The following FAM110C variants were observed in gnomAD, a reference collection of about 807,000 sequenced individuals.
FAM110C encodes protein FAM110C.
In FAM110C, 19 loss-of-function variants were observed where a neutral mutation model predicts 15.7. The ratio of observed to expected loss-of-function variants is 1.21; its 90% CI spans 0.85 to 1.78. The LOEUF (loss-of-function observed/expected upper bound fraction) is 1.78. Among genes scored for constraint, FAM110C ranks in the 40% most tolerant of loss-of-function variants. The pLI is 0.00. For synonymous variants in FAM110C, 275 were observed against 233.9 expected, an observed-to-expected ratio of 1.18 and a Z score of -1.61; for missense variants, 547 against 495.7, an observed-to-expected ratio of 1.10 and a Z score of -0.98.
At position 40,321 on chromosome 2, in the gene FAM110C, C is replaced by A. The variant is rs1442040230; in HGVS notation, c.*1287G>T. The A allele has an allele frequency of 6.6e-6, 1 of 152,154 alleles. No homozygotes were observed. The highest frequency in any genetic ancestry group is 1.5e-5 in the Non-Finnish European group (1 of 68,030). The allele number at this position is 152,154 out of a possible 1,614,324, so 9.4% of individuals were successfully genotyped here. A position where few individuals can be genotyped will look rare whatever the true frequency, so the allele number is the denominator to read the frequency against. On this transcript the variant is annotated 3_prime_UTR_variant, in exon 2 of 2. Coordinates refer to ENST00000327669, the MANE Select transcript of FAM110C (RefSeq NM_001077710.3). ...AATATTAACCAAAACTTGAATAATT[C>A]AAAATGAAATGGTTAACAAAATATC... is the stretch of plus-strand genomic sequence containing the variant.
Position 41,444 on chromosome 2 carries a change from G to C in FAM110C, c.*164C>G, listed in dbSNP as rs1045020839. The stretch of plus-strand genomic sequence containing the variant: ...ACAACTCAGCTAAATTTCAAGGTCT[G>C]TGTTCCCATATTCTCTGTAGTATTT... On this transcript the variant is annotated 3_prime_UTR_variant, in exon 2 of 2. Transcript: ENST00000327669. 1 of 669,198 alleles carries C rather than the reference G, an allele frequency of 1.5e-6. No individual in the cohort carries two copies. Among genetic ancestry groups the C allele is most frequent in the African/African-American group, 1.9e-5 (1 of 54,004 alleles). 41.5% of individuals were successfully genotyped at this position (669,198 alleles called of 1,614,324 possible).
chr2:43,552 G>A (rs1463520678), intron 1 of FAM110C: 1 of 985,350 alleles, frequency 1.0e-6, no homozygotes, highest in Non-Finnish European at 1.2e-6. Context: ...AAGCCTAAAA[G>A]GTCTTTAGGA....
chr2:46,489 G>A lies in FAM110C; in HGVS notation c.-104C>T. 1.1e-6 allele frequency: 1 copy of A among 912,304 alleles called. No homozygotes were observed. Among genetic ancestry groups the A allele is most frequent in the Non-Finnish European group, 1.4e-6 (1 of 693,118 alleles). The allele number at this position is 912,304 out of a possible 1,614,324, so 56.5% of individuals were successfully genotyped here. A position where few individuals can be genotyped will look rare whatever the true frequency, so the allele number is the denominator to read the frequency against. The stretch of plus-strand genomic sequence containing the variant: ...CCGGTTCCGAAGTCCGCGCCGGGTG[G>A]GGAACGGCGCCCCAGTGCCCAGCTG... On this transcript the variant is annotated 5_prime_UTR_variant, in exon 1 of 2. Coordinates refer to ENST00000327669, the MANE Select transcript of FAM110C (RefSeq NM_001077710.3).
chr2:43,047 G>A (rs1664169582), intron 1 of FAM110C: 1 of 985,520 alleles, frequency 1.0e-6, no homozygotes, highest in Non-Finnish European at 1.2e-6. Context: ...GTGCTGGGAG[G>A]TGGGGAGCTG....
chr2:46,001 C>G lies in FAM110C; in HGVS notation c.385G>C (p.Gly129Arg), dbSNP rs1295621656. 6.8e-7 allele frequency: 1 copy of G among 1,471,846 alleles called. No individual in the cohort carries two copies. The highest frequency in any genetic ancestry group is 8.9e-7 in the Non-Finnish European group (1 of 1,117,762). 91.2% of individuals were successfully genotyped at this position (1,471,846 alleles called of 1,614,324 possible). The change falls in exon 1 of 2, where the codon GGG (glycine) becomes CGG (arginine). Residue 129 changes from glycine to arginine, a missense_variant. Transcript: ENST00000327669. Reference sequence around the variant, plus strand: ...ACCGGCGCCTTGTCCTTACCCGGCCCCTGGAAGAGCTTCTTCACCAGGCTT... The same window carrying G: ...ACCGGCGCCTTGTCCTTACCCGGCCGCTGGAAGAGCTTCTTCACCAGGCTT... ...RASLVKKLFQ[G>R]PGKDKAPVPR...
At position 39,797 on chromosome 2, in the gene FAM110C, C is replaced by A. The variant is rs541786848; in HGVS notation, c.*1811G>T. On this transcript the variant is annotated 3_prime_UTR_variant, in exon 2 of 2. Coordinates refer to ENST00000327669, the MANE Select transcript of FAM110C (RefSeq NM_001077710.3). ...AAGGCATACACACTTTTACTTAAAG[C>A]TTTCATATCTAAAATTGATGGGACA... is the stretch of plus-strand genomic sequence containing the variant. 2 of 152,324 alleles carry A rather than the reference C, an allele frequency of 1.3e-5. No individual in the cohort carries two copies. The highest frequency in any genetic ancestry group is 4.1e-4 in the South Asian group (2 of 4,832). The allele number at this position is 152,324 out of a possible 1,614,324, so 9.4% of individuals were successfully genotyped here.
In FAM110C at chr2:45,978, C is replaced by T. The variant is rs1192699803; in HGVS notation, c.408G>A (p.Pro136=). The T allele has an allele frequency of 2.4e-5, 35 of 1,458,774 alleles. No homozygotes were observed. Among genetic ancestry groups the T allele is most frequent in the Non-Finnish European group, 2.8e-5 (31 of 1,110,960 alleles). The allele number at this position is 1,458,774 out of a possible 1,614,324, so 90.4% of individuals were successfully genotyped here. A position where few individuals can be genotyped will look rare whatever the true frequency, so the allele number is the denominator to read the frequency against. ...TGCCCTCGTCTCCCGTCCGGGGCAC[C>T]GGCGCCTTGTCCTTACCCGGCCCCT... ...LFQGPGKDKA[P]VPRTGDEGKA... The change falls in exon 1 of 2, where the codon CCG becomes CCA. Residue 136 remains proline (P), a synonymous_variant. Transcript: ENST00000327669.
Position 45,991 on chromosome 2 carries a change from T to C in FAM110C, c.395A>G (p.Lys132Arg). Residue 132 changes from lysine to arginine, a missense_variant, in exon 1 of 2, where the codon AAG becomes AGG. Transcript: ENST00000327669. ...CGTCCGGGGCACCGGCGCCTTGTCC[T>C]TACCCGGCCCCTGGAAGAGCTTCTT... ...LVKKLFQGPGKDKAPVPRTGD... is the reference protein window; with the variant it reads ...LVKKLFQGPGRDKAPVPRTGD... 1 of 1,466,092 alleles carries C rather than the reference T, an allele frequency of 6.8e-7. No homozygotes were observed. The highest frequency in any genetic ancestry group is 9.0e-7 in the Non-Finnish European group (1 of 1,114,574). The allele number at this position is 1,466,092 out of a possible 1,614,324, so 90.8% of individuals were successfully genotyped here.
rs536794257 is a variant in FAM110C, at chr2:40,269, G to C, written c.*1339C>G. On this transcript the variant is annotated 3_prime_UTR_variant, in exon 2 of 2. Transcript: ENST00000327669. ...AAGTAACCCAATGACCTACTCTCAC[G>C]GTAAAATAGTTACGAAAAAAGAATA... is the stretch of plus-strand genomic sequence containing the variant. 1 of 151,954 alleles carries C rather than the reference G, an allele frequency of 6.6e-6. No homozygotes were observed. The highest frequency in any genetic ancestry group is 1.5e-5 in the Non-Finnish European group (1 of 68,008). The allele number at this position is 151,954 out of a possible 1,614,324, so 9.4% of individuals were successfully genotyped here.
At chr2:43,977 A>G in intron 1 of FAM110C, 1 of 985,352 alleles carries the variant, frequency 1.0e-6, no homozygotes, top group Non-Finnish European at 1.2e-6. Flanking sequence ...TGCAGGAATC[A>G]TTTGCTAACA....
rs1664299478 is a variant in FAM110C at position 46,203 on chromosome 2, C to T, written c.183G>A (p.Glu61=). 3 of 1,376,856 alleles carry T rather than the reference C, an allele frequency of 2.2e-6. No homozygotes were observed. The highest frequency in any genetic ancestry group is 2.8e-6 in the Non-Finnish European group (3 of 1,072,094). The allele number at this position is 1,376,856 out of a possible 1,614,324, so 85.3% of individuals were successfully genotyped here. ...RPGTGRGVAS[E]GSGPGAIKCP... is the part of the protein sequence containing the mutation. ...ACTTGATCGCCCCCGGGCCGCTGCC[C>T]TCGGAAGCGACGCCCCGGCCAGTCC... Residue 61 remains glutamate, a synonymous_variant, in exon 1 of 2, where the codon GAG becomes GAA. Transcript: ENST00000327669.
At position 46,139 on chromosome 2, in the gene FAM110C, C is replaced by A; in HGVS notation, c.247G>T (p.Ala83Ser). Residue 83 changes from alanine (A) to serine (S), a missense_variant, in exon 1 of 2, where the codon GCC becomes TCC. By Grantham distance (99) the Ala-to-Ser change is moderately conservative. Coordinates refer to ENST00000327669, the MANE Select transcript of FAM110C (RefSeq NM_001077710.3). The part of the protein sequence containing the change: ...NDPGPPARAP[A>S]PVARRAIARK... The stretch of plus-strand genomic sequence containing the variant: ...GCAATAGCCCTGCGCGCCACCGGGG[C>A]CGGGGCGCGGGCCGGGGGCCCAGGG... 1 of 1,438,590 alleles carries A rather than the reference C, an allele frequency of 7.0e-7. No homozygotes were observed. Among genetic ancestry groups the A allele is most frequent in the Non-Finnish European group, 9.1e-7 (1 of 1,102,654 alleles). 89.1% of individuals were successfully genotyped at this position (1,438,590 alleles called of 1,614,324 possible). A position where few individuals can be genotyped will look rare whatever the true frequency, so the allele number is the denominator to read the frequency against.
rs1383209722 is a variant in FAM110C, at chr2:44,382, G to A, written c.946+1058C>T. The A allele has an allele frequency of 3.0e-6, 3 of 985,252 alleles. No homozygotes were observed. The African/African-American group carries it at 5.2e-5, about 17-fold the overall frequency. 61.0% of individuals were successfully genotyped at this position (985,252 alleles called of 1,614,324 possible). A position where few individuals can be genotyped will look rare whatever the true frequency, so the allele number is the denominator to read the frequency against. ...ATTTTTAGCTGTCAAACATAGGTGA[G>A]CCCTGTGCAAACATCTCTTGGGCAG... On this transcript the variant is annotated intron_variant, in intron 1 of 1. Coordinates refer to ENST00000327669, the MANE Select transcript of FAM110C (RefSeq NM_001077710.3).
In FAM110C at chr2:45,766, C is replaced by T. The variant is rs1378508840; in HGVS notation, c.620G>A (p.Arg207His). ...LQRSQSDLSSRYSAALAESDT... is the reference protein window; with the variant it reads ...LQRSQSDLSSHYSAALAESDT... ...AGACTCGGCCAAGGCAGCGGAATAGCGGGAGCTGAGGTCCGACTGTGAGCG... is the reference window on the plus strand; with the variant it reads ...AGACTCGGCCAAGGCAGCGGAATAGTGGGAGCTGAGGTCCGACTGTGAGCG... Residue 207 changes from arginine to histidine, a missense_variant, in exon 1 of 2, where the codon CGC becomes CAC. By Grantham distance (29) the Arg-to-His change is conservative. Transcript: ENST00000327669. 1.3e-6 allele frequency: 2 copies of T among 1,579,272 alleles called. No homozygotes were observed. Among genetic ancestry groups the T allele is most frequent in the East Asian group, 2.3e-5 (1 of 43,304 alleles).
In FAM110C at chr2:43,969, C is replaced by T. The variant is rs921371129; in HGVS notation, c.946+1471G>A. 8.1e-6 allele frequency: 8 copies of T among 985,272 alleles called. No homozygotes were observed. The African/African-American group carries it at 1.4e-4, about 17-fold the overall frequency. The allele number at this position is 985,272 out of a possible 1,614,324, so 61.0% of individuals were successfully genotyped here. On this transcript the variant is annotated intron_variant, in intron 1 of 1. Coordinates refer to ENST00000327669, the MANE Select transcript of FAM110C (RefSeq NM_001077710.3). ...GACAAAGGACGCCTGGTCTATAGTG[C>T]AGGAATCATTTGCTAACATAAGACA... is the stretch of plus-strand genomic sequence containing the variant.
At position 46,198 on chromosome 2, in the gene FAM110C, C is replaced by CCAG. The variant is rs777612092; in HGVS notation, c.187_188insCTG (p.Ser63delinsThrGly). The CCAG allele has an allele frequency of 7.3e-6, 10 of 1,379,068 alleles. No homozygotes were observed. The highest frequency in any genetic ancestry group is 8.4e-6 in the Non-Finnish European group (9 of 1,073,604). The allele number at this position is 1,379,068 out of a possible 1,614,324, so 85.4% of individuals were successfully genotyped here. A position where few individuals can be genotyped will look rare whatever the true frequency, so the allele number is the denominator to read the frequency against. ...CGGGCACTTGATCGCCCCCGGGCCG[C>CCAG]TGCCCTCGGAAGCGACGCCCCGGCC... On this transcript the variant is annotated protein_altering_variant, in exon 1 of 2. Transcript: ENST00000327669.
rs1266405479 is a variant in FAM110C, at chr2:40,396, G to A, written c.*1212C>T. 1.3e-5 allele frequency: 2 copies of A among 152,012 alleles called. No individual in the cohort carries two copies. The highest frequency in any genetic ancestry group is 2.9e-5 in the Non-Finnish European group (2 of 68,016). The allele number at this position is 152,012 out of a possible 1,614,324, so 9.4% of individuals were successfully genotyped here. ...TCCCCTCCACATTCTTCTCTCTAACGATTTTCTTCTTGAAAAGATATATTT... is the reference window on the plus strand; with the variant it reads ...TCCCCTCCACATTCTTCTCTCTAACAATTTTCTTCTTGAAAAGATATATTT... On this transcript the variant is annotated 3_prime_UTR_variant, in exon 2 of 2. Coordinates refer to ENST00000327669, the MANE Select transcript of FAM110C (RefSeq NM_001077710.3).
intron 1 of FAM110C, chr2:44,969 G>A (rs756694692): frequency 1.0e-6 from 1 of 985,146 alleles, no homozygotes; most frequent in Non-Finnish European, 1.2e-6. Context: ...ACACAGCAGC[G>A]CCTACCTAGG....
chr2:43,290 G>C (rs1450954977), intron 1 of FAM110C: 73 of 985,164 alleles, frequency 7.4e-5, no homozygotes, highest in Non-Finnish European at 8.2e-5. Context: ...CTGTGGGACT[G>C]TACCCCTGCT....
Sources: gnomAD v4.1 joint callset for allele counts on GRCh38, gnomAD v4.1.1 for gene constraint, MANE v1.5 for transcripts, NCBI Gene and HGNC (gene_info 2026-07-23, HGNC 2026-07-21) for gene names.